The following RCN3 variants were observed in gnomAD, a reference collection of about 807,000 sequenced individuals.
The protein encoded by RCN3 is reticulocalbin 3.
In RCN3, 41 loss-of-function variants were observed where a neutral mutation model predicts 35.9. The ratio of observed to expected loss-of-function variants is 1.14; its 90% confidence interval spans 0.89 to 1.48. The LOEUF (loss-of-function observed/expected upper bound fraction) is 1.48, where lower values mean the gene tolerates loss of function less well. RCN3 is among the 40% of genes most tolerant of loss of function. RCN3 has a pLI of 0.00. For synonymous variants in RCN3, 187 were observed against 193.4 expected, an observed-to-expected ratio of 0.97 and a Z score of 0.27; for missense variants, 451 against 471.3, an observed-to-expected ratio of 0.96 and a Z score of 0.40.
chr19:49,536,964 G>A (rs77869147), intron 3 of RCN3, 69 bp from the exon 4 acceptor site: 8 of 1,374,460 alleles, frequency 5.8e-6, no homozygotes, highest in East Asian at 2.6e-5. Context: ...GATTTACTTT[G>A]TCTTTGTTTT....
At chr19:49,529,103 C>T (rs939582401) in intron 2 of RCN3, among the ~76,000 whole-genome samples, 6 of 152,072 alleles carry the variant, frequency 3.9e-5, no homozygotes, top group African/African-American at 1.2e-4. Context: ...ATCGCTTGAA[C>T]CTGGGAGGTG....
At position 49,528,303 on chromosome 19, in the gene RCN3, C is replaced by G. The variant is rs539519605; in HGVS notation, c.-6-164C>G. 1.6e-5 allele frequency: 10 copies of G among 608,934 alleles called. No individual in the cohort carries two copies. The South Asian group carries it at 2.4e-4, about 15-fold the overall frequency. The allele number at this position is 608,934 out of a possible 1,614,324, so 37.7% of individuals were successfully genotyped here. A position where few individuals can be genotyped will look rare whatever the true frequency, so the allele number is the denominator to read the frequency against. On this transcript the variant is annotated intron_variant, in intron 1 of 6. Coordinates refer to ENST00000270645, the MANE Select transcript of RCN3 (RefSeq NM_020650.3). ...TAGGTGGCTTTACCTCTAAGCATCCCGCCCTCTTTTCCCCCATCGCCCGCC... is the reference window on the plus strand; with the variant it reads ...TAGGTGGCTTTACCTCTAAGCATCCGGCCCTCTTTTCCCCCATCGCCCGCC...
chr19:49,528,140 G>T, intron 1 of RCN3, 82 bp downstream of exon 1: 1 of 288,286 alleles, frequency 3.5e-6, no homozygotes, highest in Non-Finnish European at 6.4e-6. Flanking sequence ...AGCAATGACG[G>T]GGAGCCTGCC....
intron 3 of RCN3, 138 bp downstream of exon 3, chr19:49,534,533 T>C: frequency 1.3e-6 from 1 of 765,566 alleles, no homozygotes; most frequent in Non-Finnish European, 2.0e-6. Context: ...TAGGAGCCCA[T>C]AACTGTGAGA....
In RCN3 at chr19:49,543,247, C is replaced by T. The variant is rs1394300876; in HGVS notation, c.*34C>T. On this transcript the variant is annotated 3_prime_UTR_variant, in exon 7 of 7. Coordinates refer to ENST00000270645, the MANE Select transcript of RCN3 (RefSeq NM_020650.3). ...CACCTGCCACAGCCTCAGAGGCCCG[C>T]ACAATGACCGGAGGAGGGGCCGCTG... 6.5e-7 allele frequency: 1 copy of T among 1,550,292 alleles called. No individual in the cohort carries two copies. The highest frequency in any genetic ancestry group is 1.7e-5 in the Admixed American group (1 of 58,712).
At chr19:49,536,712 G>A (rs1032240676) in intron 3 of RCN3, among the ~76,000 whole-genome samples, 9 of 150,092 alleles carry the variant, frequency 6.0e-5, no homozygotes, top group South Asian at 2.1e-4. Context: ...GGGTTCAATC[G>A]ACTCTTGTGC....
chr19:49,540,259 C>T (rs1020451608), intron 5 of RCN3, among the ~76,000 whole-genome samples: 4 of 151,942 alleles, frequency 2.6e-5, no homozygotes, highest in Non-Finnish European at 4.4e-5. Flanking sequence ...AATCTTCCCA[C>T]CTTGGCCTCC....
chr19:49,539,364 C>G (rs1296115236), intron 5 of RCN3, among the ~76,000 whole-genome samples, 185 bp downstream of exon 5: 1 of 152,100 alleles, frequency 6.6e-6, no homozygotes, highest in Non-Finnish European at 1.5e-5. Flanking sequence ...TACTCTATAC[C>G]AGACACAAAA....
intron 2 of RCN3, among the ~76,000 whole-genome samples, chr19:49,529,952 TTTG>T (rs1414549535): frequency 6.6e-6 from 1 of 151,022 alleles, no homozygotes; most frequent in Non-Finnish European, 1.5e-5. Context: ...TATTTTTATT[TTTG>T]TTGTTGTTGT....
In RCN3 at chr19:49,534,370, C is replaced by A. The variant is rs571975071; in HGVS notation, c.420C>A (p.Asn140Lys). 1.3e-6 allele frequency: 2 copies of A among 1,537,832 alleles called. No individual in the cohort carries two copies. The highest frequency in any genetic ancestry group is 4.0e-5 in the Admixed American group (2 of 50,058). ...GTGTGGGTTGGGAGGAGCTGCGCAA[C>A]GCCACCTATGGCCACTACGCGCCCG... ...DGRVGWEELR[N>K]ATYGHYAPGE... is the part of the protein sequence containing the mutation. The change falls in exon 3 of 7, where the codon AAC becomes AAA. Residue 140 changes from asparagine (N) to lysine (K), a missense_variant. Physicochemically the swap from Asn to Lys is moderately conservative, Grantham distance 94. Transcript: ENST00000270645.
At position 49,535,861 on chromosome 19, in the gene RCN3, AAT is replaced by A. The variant is rs1555811304; in HGVS notation, c.446-1158_446-1157del. ...TGAGACTCTGTCTCAAAAAAAAAAA[AAT>A]ATATATATATATAGATAGATAGATA... is the stretch of plus-strand genomic sequence containing the variant. On this transcript the variant is annotated intron_variant, in intron 3 of 6. Transcript: ENST00000270645. Among the ~76,000 whole-genome samples the A allele has an allele frequency of 7.0e-4, 100 of 142,710 alleles. 1 individual carries two copies. The highest frequency in any genetic ancestry group is 1.5e-3 in the African/African-American group (57 of 37,866). 93.6% of individuals were successfully genotyped at this position (142,710 alleles called of 152,430 possible). A position where few individuals can be genotyped will look rare whatever the true frequency, so the allele number is the denominator to read the frequency against.
chr19:49,535,875 T>C (rs929279677), intron 3 of RCN3, among the ~76,000 whole-genome samples: 2 of 141,276 alleles, frequency 1.4e-5, no homozygotes, highest in South Asian at 2.1e-4. Context: ...TATATATATA[T>C]AGATAGATAG....
At chr19:49,534,134 C>T (rs1039365700) in intron 2 of RCN3, 59 bp from the exon 3 acceptor site, 20 of 1,412,638 alleles carry the variant, frequency 1.4e-5, no homozygotes, top group African/African-American at 6.1e-5. Context: ...GTGGCCCGTG[C>T]GAGGGGCGGG....
Position 49,539,157 on chromosome 19 carries a change from T to C in RCN3, c.657T>C (p.Tyr219=), listed in dbSNP as rs1472191787. ...LEDLDRNKDG[Y]VQVEEYIADL... is the part of the protein sequence containing the mutation. ...ACCTGGACAGAAACAAAGATGGCTA[T>C]GTCCAGGTGGAGGAGTACATCGGTG... The change falls in exon 5 of 7, where the codon TAT becomes TAC. Residue 219 remains tyrosine (Y), a synonymous_variant. Coordinates refer to ENST00000270645, the MANE Select transcript of RCN3 (RefSeq NM_020650.3). 9 of 1,610,818 alleles carry C rather than the reference T, an allele frequency of 5.6e-6. No individual in the cohort carries two copies. Among genetic ancestry groups the C allele is most frequent in the Admixed American group, 1.7e-5 (1 of 59,136 alleles).
At chr19:49,534,563 G>A (rs2080125679) in intron 3 of RCN3, among the ~76,000 whole-genome samples, 168 bp downstream of exon 3, 1 of 152,088 alleles carries the variant, frequency 6.6e-6, no homozygotes, top group Non-Finnish European at 1.5e-5. Context: ...TCTCACCTCT[G>A]GCTTCTCTTT....
intron 2 of RCN3, among the ~76,000 whole-genome samples, chr19:49,530,924 T>G (rs1195767561): frequency 6.6e-6 from 1 of 152,144 alleles, no homozygotes; most frequent in Non-Finnish European, 1.5e-5. Flanking sequence ...GCAAAGGCCC[T>G]GAGGCAGGAG....
At chr19:49,534,480 T>C in intron 3 of RCN3, 85 bp downstream of exon 3, 4 of 1,414,480 alleles carry the variant, frequency 2.8e-6, no homozygotes, top group Non-Finnish European at 3.8e-6. Flanking sequence ...CCTGAACCCA[T>C]TTACCCGGAG....
At chr19:49,540,160 T>C (rs1238681008) in intron 5 of RCN3, among the ~76,000 whole-genome samples, 4 of 148,634 alleles carry the variant, frequency 2.7e-5, no homozygotes, top group African/African-American at 1.0e-4. Flanking sequence ...TATCTGTCTG[T>C]CTGTGTGTGT....
intron 5 of RCN3, among the ~76,000 whole-genome samples, chr19:49,541,418 A>G (rs1218365296): frequency 1.3e-5 from 2 of 152,090 alleles, no homozygotes; most frequent in South Asian, 2.1e-4. Flanking sequence ...TCTGGCACCT[A>G]TTTCTTAACT....
Sources: allele counts gnomAD v4.1 joint callset (sites outside exome capture counted in the v4.1 genomes callset), GRCh38; gene constraint gnomAD v4.1.1; transcripts MANE v1.5; gene names NCBI Gene and HGNC (gene_info 2026-07-23, HGNC 2026-07-21).